Variants in KCNIP4 observed in about 807,000 individuals in gnomAD.
KCNIP4 encodes the protein Kv channel-interacting protein 4.
Under a neutral mutation model 34.0 loss-of-function variants are expected in KCNIP4, and 12 were observed. That is an observed-to-expected ratio of 0.35 (90% CI 0.23 to 0.57). The LOEUF is 0.57. Ranked by LOEUF, KCNIP4 falls within the 20% of genes least tolerant of loss-of-function variation. The pLI is 0.83. For synonymous variants in KCNIP4, 124 were observed against 102.2 expected, an observed-to-expected ratio of 1.21 and a Z score of -1.29; for missense variants, 238 against 311.7, an observed-to-expected ratio of 0.76 and a Z score of 1.78.
intron 1 of KCNIP4, among the ~76,000 whole-genome samples, chr4:21,515,457 C>A (rs561629830): frequency 6.6e-6 from 1 of 151,932 alleles, no homozygotes; most frequent in South Asian, 2.1e-4. Flanking sequence ...GTTAACACGG[C>A]GAAACCCCGT....
intron 2 of KCNIP4, among the ~76,000 whole-genome samples, chr4:20,869,030 C>A (rs987360432): frequency 6.6e-6 from 1 of 151,998 alleles, no homozygotes; most frequent in Non-Finnish European, 1.5e-5. Context: ...TGTATTTATG[C>A]AAAATATCAT....
At chr4:21,671,456 G>C (rs1407834971) in intron 1 of KCNIP4, among the ~76,000 whole-genome samples, 2 of 152,066 alleles carry the variant, frequency 1.3e-5, no homozygotes, top group Non-Finnish European at 2.9e-5. Context: ...AAAATTATAG[G>C]GGAGGCCTAG....
At chr4:21,507,327 C>T (rs1043333634) in intron 1 of KCNIP4, among the ~76,000 whole-genome samples, 4 of 150,970 alleles carry the variant, frequency 2.6e-5, no homozygotes, top group Admixed American at 6.6e-5. Context: ...TGTAGTGGCT[C>T]GATCTTGGCT....
chr4:21,121,094 GT>G (rs1378517809), intron 1 of KCNIP4, among the ~76,000 whole-genome samples: 1 of 152,214 alleles, frequency 6.6e-6, no homozygotes, highest in African/African-American at 2.4e-5. Flanking sequence ...AATGGCATAA[GT>G]GCTTTCTTGT....
intron 1 of KCNIP4, among the ~76,000 whole-genome samples, chr4:21,441,595 G>A (rs1727490823): frequency 6.6e-6 from 1 of 152,070 alleles, no homozygotes; most frequent in African/African-American, 2.4e-5. Context: ...TACCCTTATT[G>A]TTTTTTGCTC....
At chr4:21,832,627 A>G (rs1277580475) in intron 1 of KCNIP4, among the ~76,000 whole-genome samples, 6 of 148,996 alleles carry the variant, frequency 4.0e-5, no homozygotes, top group Non-Finnish European at 8.9e-5. Flanking sequence ...TTTAGGGTAC[A>G]TGTGCACAAT....
At chr4:20,817,066 T>C (rs1716486955) in intron 3 of KCNIP4, among the ~76,000 whole-genome samples, 1 of 152,184 alleles carries the variant, frequency 6.6e-6, no homozygotes, top group African/African-American at 2.4e-5. Flanking sequence ...CCAACATTAT[T>C]AAGTCGAGGA....
intron 1 of KCNIP4, among the ~76,000 whole-genome samples, chr4:20,961,729 A>C (rs1733870749): frequency 6.6e-6 from 1 of 152,212 alleles, no homozygotes. Context: ...CTGATCTCAG[A>C]GGTCCCTGGA....
intron 1 of KCNIP4, among the ~76,000 whole-genome samples, chr4:21,383,095 G>A (rs1434449060): frequency 6.6e-6 from 1 of 152,142 alleles, no homozygotes; most frequent in African/African-American, 2.4e-5. Flanking sequence ...CACCTGGGAT[G>A]TACACACACA....
chr4:20,730,319 AC>A (rs1410622755), intron 8 of KCNIP4, among the ~76,000 whole-genome samples, 190 bp from the exon 9 acceptor site: 2 of 152,178 alleles, frequency 1.3e-5, no homozygotes, highest in East Asian at 3.9e-4. Context: ...ACTATGAAGG[AC>A]CCATTTTATA....
intron 1 of KCNIP4, among the ~76,000 whole-genome samples, chr4:21,560,483 T>G (rs930736393): frequency 1.3e-5 from 2 of 152,128 alleles, no homozygotes; most frequent in African/African-American, 4.8e-5. Context: ...CTTGAAATTA[T>G]CTAAGCCAAA....
At chr4:21,833,307 A>C (rs940552570) in intron 1 of KCNIP4, among the ~76,000 whole-genome samples, 4 of 151,920 alleles carry the variant, frequency 2.6e-5, no homozygotes, top group Non-Finnish European at 5.9e-5. Flanking sequence ...ATGGTATCTC[A>C]TTGTGGTTTT....
At chr4:21,167,487 G>C (rs1753713787) in intron 1 of KCNIP4, among the ~76,000 whole-genome samples, 1 of 152,172 alleles carries the variant, frequency 6.6e-6, no homozygotes, top group Admixed American at 6.5e-5. Context: ...CAGAGGCCTA[G>C]AGATAGTTTT....
chr4:21,059,998 C>T (rs186968098), intron 1 of KCNIP4, among the ~76,000 whole-genome samples: 157 of 152,154 alleles, frequency 1.0e-3, no homozygotes, highest in African/African-American at 3.7e-3. Flanking sequence ...TTTTGTTTGT[C>T]CTAATCAATT....
chr4:20,861,114 C>T (rs1228140372), intron 2 of KCNIP4, among the ~76,000 whole-genome samples: 1 of 152,144 alleles, frequency 6.6e-6, no homozygotes, highest in Non-Finnish European at 1.5e-5. Context: ...AGCTGTGCAG[C>T]TGATGAGTGT....
intron 1 of KCNIP4, among the ~76,000 whole-genome samples, chr4:21,356,897 C>T (rs567554022): frequency 8.5e-5 from 13 of 152,228 alleles, no homozygotes; most frequent in African/African-American, 1.4e-4. Context: ...GGAGGCATCA[C>T]GCTACCTGAC....
At chr4:21,848,120 C>G (rs575808643) in intron 1 of KCNIP4, 1 of 152,268 alleles carries the variant, frequency 6.6e-6, no homozygotes, top group African/African-American at 2.4e-5. Flanking sequence ...AACTTCTCAG[C>G]AGCTCAGATA....
chr4:20,841,827 CA>C (rs138112299), intron 3 of KCNIP4, among the ~76,000 whole-genome samples: 10,246 of 152,048 alleles, frequency 0.067, 468 homozygotes, highest in Non-Finnish European at 0.1. Context: ...GAATAAAATA[CA>C]AATGACGTTC....
chr4:21,553,041 G>T (rs571905771), intron 1 of KCNIP4, among the ~76,000 whole-genome samples: 1 of 151,872 alleles, frequency 6.6e-6, no homozygotes, highest in African/African-American at 2.4e-5. Context: ...GGGGGTTGAG[G>T]GGGGAGTCTC....
Sources: allele counts gnomAD v4.1 joint callset (sites outside exome capture counted in the v4.1 genomes callset), GRCh38; gene constraint gnomAD v4.1.1; transcripts MANE v1.5; gene names NCBI Gene and HGNC (gene_info 2026-07-23, HGNC 2026-07-21).